Variants in GPC5 observed in about 807,000 individuals in gnomAD.
GPC5 encodes glypican 5, also known as glypican-5.
In GPC5, 47 loss-of-function variants were observed where a neutral mutation model predicts 53.9. The observed-to-expected ratio is 0.87, with a 90% confidence interval of 0.69 to 1.11. GPC5 has a LOEUF of 1.11. Among genes scored for constraint, GPC5 ranks in the 50% most tolerant of loss-of-function variants. The pLI, the probability that GPC5 is intolerant of heterozygous loss-of-function variation, is 0.00. For synonymous variants in GPC5, 286 were observed against 263.3 expected, an observed-to-expected ratio of 1.09 and a Z score of -0.84; for missense variants, 748 against 713.1, an observed-to-expected ratio of 1.05 and a Z score of -0.56.
chr13:92,410,224 T>C (rs1282261650), intron 7 of GPC5, among the ~76,000 whole-genome samples: 2 of 152,182 alleles, frequency 1.3e-5, no homozygotes, highest in Non-Finnish European at 2.9e-5. Flanking sequence ...TATACTAATT[T>C]TCAGGCTGGG....
intron 7 of GPC5, among the ~76,000 whole-genome samples, chr13:92,465,811 T>G (rs940884178): frequency 9.2e-5 from 14 of 152,114 alleles, no homozygotes; most frequent in African/African-American, 2.9e-4. Context: ...CATTAAAAAG[T>G]TCTATTGTCT....
At chr13:92,123,274 C>T (rs568433285) in intron 6 of GPC5, among the ~76,000 whole-genome samples, 11 of 151,852 alleles carry the variant, frequency 7.2e-5, no homozygotes, top group Admixed American at 1.3e-4. Context: ...GTTTTGGTGG[C>T]GGGCACGTGT....
intron 1 of GPC5, among the ~76,000 whole-genome samples, chr13:91,445,177 C>T (rs115849430): frequency 1.3e-3 from 200 of 152,280 alleles, no homozygotes; most frequent in African/African-American, 4.4e-3. Flanking sequence ...CTGACTTTCA[C>T]CTTTTCACTT....
At chr13:92,300,243 A>T (rs2043066414) in intron 7 of GPC5, among the ~76,000 whole-genome samples, 1 of 152,068 alleles carries the variant, frequency 6.6e-6, no homozygotes, top group East Asian at 1.9e-4. Flanking sequence ...ACATTGCAAA[A>T]CACACTGCAC....
chr13:92,183,468 A>G (rs1326133436), intron 7 of GPC5, among the ~76,000 whole-genome samples: 1 of 152,186 alleles, frequency 6.6e-6, no homozygotes, highest in Non-Finnish European at 1.5e-5. Flanking sequence ...CCAGTCCTGC[A>G]TAAGTGTGTC....
At chr13:92,485,385 A>AAGGT (rs1480388599) in intron 7 of GPC5, among the ~76,000 whole-genome samples, 2 of 152,232 alleles carry the variant, frequency 1.3e-5, no homozygotes, top group Admixed American at 6.5e-5. Flanking sequence ...CAGAGAAAAT[A>AAGGT]AGGTGAGTGC....
At chr13:91,866,774 T>C (rs2039089260) in intron 5 of GPC5, among the ~76,000 whole-genome samples, 1 of 152,258 alleles carries the variant, frequency 6.6e-6, no homozygotes, top group South Asian at 2.1e-4. Context: ...ATTAAATTTC[T>C]AAATTCACCC....
intron 6 of GPC5, among the ~76,000 whole-genome samples, chr13:92,120,123 G>GGGA (rs1403359235): frequency 6.6e-6 from 1 of 152,160 alleles, no homozygotes; most frequent in Non-Finnish European, 1.5e-5. Context: ...ACTCATAAGA[G>GGGA]GGAAGTACAA....
At chr13:92,785,501 G>T (rs1876195837) in intron 7 of GPC5, among the ~76,000 whole-genome samples, 2 of 152,102 alleles carry the variant, frequency 1.3e-5, no homozygotes, top group Admixed American at 1.3e-4. Flanking sequence ...CTAAGAGAAA[G>T]AAAAGAGGCC....
intron 7 of GPC5, among the ~76,000 whole-genome samples, chr13:92,713,201 T>A (rs1888200971): frequency 6.6e-6 from 1 of 151,874 alleles, no homozygotes; most frequent in African/African-American, 2.4e-5. Flanking sequence ...CAAGAATATA[T>A]AAAGAACTCG....
intron 7 of GPC5, among the ~76,000 whole-genome samples, chr13:92,296,733 T>G (rs2043037801): frequency 6.6e-6 from 1 of 152,074 alleles, no homozygotes; most frequent in African/African-American, 2.4e-5. Flanking sequence ...CGTGTGGGCG[T>G]GGGCTTGGTG....
rs138650481 is a variant in GPC5 at position 92,782,864 on chromosome 13, T to C, written c.1562-83418T>C. Among the ~76,000 whole-genome samples the C allele has an allele frequency of 4.2e-3, 637 of 152,254 alleles. 7 individuals carry two copies. Among genetic ancestry groups the C allele is most frequent in the African/African-American group, 0.015 (615 of 41,568 alleles). ...TTTTCTTATGATTCATAGCATGCTGTTTTAGAAATGAAGTCAGAGACCCCA... is the reference window on the plus strand; with the variant it reads ...TTTTCTTATGATTCATAGCATGCTGCTTTAGAAATGAAGTCAGAGACCCCA... On this transcript the variant is annotated intron_variant, in intron 7 of 7. Transcript: ENST00000377067.
At chr13:91,535,287 G>C (rs1308778600) in intron 2 of GPC5, among the ~76,000 whole-genome samples, 2 of 152,130 alleles carry the variant, frequency 1.3e-5, no homozygotes, top group African/African-American at 4.8e-5. Context: ...CCTGCATTAT[G>C]TACTCTAAAC....
chr13:92,082,599 G>A (rs1032280560), intron 6 of GPC5, among the ~76,000 whole-genome samples: 1 of 152,084 alleles, frequency 6.6e-6, no homozygotes, highest in Non-Finnish European at 1.5e-5. Flanking sequence ...TAAATATATT[G>A]CTCACAATTT....
chr13:92,477,526 T>C (rs1879197309), intron 7 of GPC5, among the ~76,000 whole-genome samples: 1 of 152,178 alleles, frequency 6.6e-6, no homozygotes, highest in South Asian at 2.1e-4. Context: ...GTGAAGGCAA[T>C]TGACGCTTAA....
chr13:91,993,002 G>A (rs2040470985), intron 6 of GPC5, among the ~76,000 whole-genome samples: 1 of 152,120 alleles, frequency 6.6e-6, no homozygotes, highest in Non-Finnish European at 1.5e-5. Flanking sequence ...CATTTTAAAC[G>A]AATGTGTCAT....
At chr13:91,643,845 C>A (rs904614693) in intron 2 of GPC5, among the ~76,000 whole-genome samples, 8 of 152,144 alleles carry the variant, frequency 5.3e-5, no homozygotes, top group African/African-American at 1.7e-4. Context: ...CCATTACACT[C>A]ATATGATCTC....
At chr13:92,441,060 T>C (rs531496200) in intron 7 of GPC5, among the ~76,000 whole-genome samples, 1 of 152,240 alleles carries the variant, frequency 6.6e-6, no homozygotes, top group Non-Finnish European at 1.5e-5. Context: ...TTAGTTTAAT[T>C]AGGTCTCATT....
At chr13:92,125,924 GTTTTTTTTTTTTTTT>G (rs1190169532) in intron 6 of GPC5, among the ~76,000 whole-genome samples, 1 of 75,820 alleles carries the variant, frequency 1.3e-5, no homozygotes, top group African/African-American at 5.3e-5. Flanking sequence ...TTGTTTTTTG[GTTTTTTTTTTTTTTT>G]TTTTTTTTTT....
Sources: allele counts gnomAD v4.1 joint callset (sites outside exome capture counted in the v4.1 genomes callset), GRCh38; gene constraint gnomAD v4.1.1; transcripts MANE v1.5; gene names NCBI Gene and HGNC (gene_info 2026-07-23, HGNC 2026-07-21).